CSTPP1: variants seen among roughly 807,000 people sequenced by gnomAD.
CSTPP1 encodes centriolar satellite-associated tubulin polyglutamylase complex regulator 1.
chr11:47,072,647 G>GATGT, the CSTPP1 span, among the ~76,000 whole-genome samples: 1 of 152,086 alleles, frequency 6.6e-6, no homozygotes, highest in African/African-American at 2.4e-5. Flanking sequence ...AAAATATATA[G>GATGT]ATGTATTCCA....
chr11:47,100,660 A>T, the CSTPP1 span, among the ~76,000 whole-genome samples: 1 of 152,126 alleles, frequency 6.6e-6, no homozygotes, highest in Non-Finnish European at 1.5e-5. Flanking sequence ...GCATGGTGGC[A>T]TATGCCTGTA....
chr11:46,955,048 G>T, the CSTPP1 span, among the ~76,000 whole-genome samples: 1 of 152,066 alleles, frequency 6.6e-6, no homozygotes, highest in Non-Finnish European at 1.5e-5. Context: ...AAACAGACAG[G>T]TACAGGCTTT....
chr11:46,997,542 C>A, the CSTPP1 span, among the ~76,000 whole-genome samples: 1 of 152,230 alleles, frequency 6.6e-6, no homozygotes, highest in Admixed American at 6.5e-5. Context: ...TACCTATCGT[C>A]TGAAGCCTTC....
the CSTPP1 span, chr11:47,155,409 T>C: frequency 1.3e-6 from 1 of 760,422 alleles, no homozygotes; most frequent in Non-Finnish European, 2.3e-6. Context: ...GCTAACAGGA[T>C]GTCTAGTGTT....
chr11:47,109,502 C>T, the CSTPP1 span, among the ~76,000 whole-genome samples: 13 of 152,334 alleles, frequency 8.5e-5, no homozygotes, highest in African/African-American at 2.2e-4. Context: ...TCCTCATTTG[C>T]GGGTCAGATG....
At chr11:47,009,885 T>A in the CSTPP1 span, among the ~76,000 whole-genome samples, 2 of 152,264 alleles carry the variant, frequency 1.3e-5, no homozygotes, top group South Asian at 4.1e-4. Flanking sequence ...AAACTCATTG[T>A]TTGGTCTTCT....
At chr11:46,987,211 A>G in the CSTPP1 span, 94 of 1,613,882 alleles carry the variant, frequency 5.8e-5, no homozygotes, top group East Asian at 1.8e-3. Context: ...ATTGCAGCTC[A>G]GCGACATGTC....
the CSTPP1 span, among the ~76,000 whole-genome samples, chr11:47,098,193 T>C: frequency 7.6e-6 from 1 of 130,908 alleles, no homozygotes; most frequent in Non-Finnish European, 1.6e-5. Context: ...GTCCTCTGCC[T>C]AGGAAAACCA....
the CSTPP1 span, among the ~76,000 whole-genome samples, chr11:47,117,863 G>A: frequency 2.7e-5 from 4 of 146,010 alleles, no homozygotes; most frequent in South Asian, 4.4e-4. Flanking sequence ...TTGTCTTCTC[G>A]CTGTATTTCT....
At chr11:47,055,177 T>A in the CSTPP1 span, among the ~76,000 whole-genome samples, 1 of 151,894 alleles carries the variant, frequency 6.6e-6, no homozygotes, top group African/African-American at 2.4e-5. Context: ...AAGCCACTCG[T>A]CCACCTCAGC....
the CSTPP1 span, among the ~76,000 whole-genome samples, chr11:47,098,619 C>T: frequency 6.6e-6 from 1 of 151,676 alleles, no homozygotes; most frequent in African/African-American, 2.4e-5. Context: ...GATTCTCCTG[C>T]CTCAGCCTCC....
the CSTPP1 span, among the ~76,000 whole-genome samples, chr11:47,102,841 C>T: frequency 2.0e-5 from 3 of 152,164 alleles, no homozygotes; most frequent in East Asian, 1.9e-4. Context: ...GACAAACAAA[C>T]GTAACAAACA....
chr11:47,044,592 G>C, the CSTPP1 span, among the ~76,000 whole-genome samples: 1 of 152,088 alleles, frequency 6.6e-6, no homozygotes, highest in African/African-American at 2.4e-5. Context: ...ATAGGAAACA[G>C]AAGAAAATGA....
the CSTPP1 span, among the ~76,000 whole-genome samples, chr11:47,001,940 G>C: frequency 6.6e-6 from 1 of 152,112 alleles, no homozygotes; most frequent in African/African-American, 2.4e-5. Flanking sequence ...AGATGGACTT[G>C]AGACTTCTTT....
the CSTPP1 span, chr11:47,052,518 G>A: frequency 7.9e-5 from 127 of 1,612,242 alleles, no homozygotes; most frequent in Middle Eastern, 1.6e-4. Context: ...CAAAAATGGC[G>A]GTAAGTCTTC....
At chr11:46,946,552 C>T in the CSTPP1 span, among the ~76,000 whole-genome samples, 14 of 152,124 alleles carry the variant, frequency 9.2e-5, no homozygotes, top group African/African-American at 2.7e-4. Context: ...CAGCTACTCG[C>T]GAGGCTGAGG....
chr11:47,042,223 A>T, the CSTPP1 span, among the ~76,000 whole-genome samples: 1 of 152,060 alleles, frequency 6.6e-6, no homozygotes, highest in Non-Finnish European at 1.5e-5. Flanking sequence ...AATAAAATAA[A>T]GAAAGAGAGG....
chr11:47,154,758 G>A, the CSTPP1 span, among the ~76,000 whole-genome samples: 1 of 152,158 alleles, frequency 6.6e-6, no homozygotes, highest in Non-Finnish European at 1.5e-5. Context: ...TTTCTGATCA[G>A]CTGTATTTAT....
the CSTPP1 span, among the ~76,000 whole-genome samples, chr11:47,036,476 C>G: frequency 1.7e-5 from 2 of 118,388 alleles, no homozygotes; most frequent in African/African-American, 5.2e-5. Context: ...TAGTAGGCTT[C>G]TTTTTCACAG....
Sources: gnomAD v4.1 joint callset for allele counts (sites outside exome capture counted in the v4.1 genomes callset) on GRCh38, gnomAD v4.1.1 for gene constraint, MANE v1.5 for transcripts, NCBI Gene and HGNC (gene_info 2026-07-23, HGNC 2026-07-21) for gene names.